The following TPTE2 variants were observed in gnomAD, a reference collection of about 807,000 sequenced individuals.
TPTE2 encodes the protein transmembrane phosphoinositide 3-phosphatase and tensin homolog 2, also known as phosphatidylinositol 3,4,5-trisphosphate 3-phosphatase TPTE2.
Under a neutral mutation model 78.6 loss-of-function variants are expected in TPTE2, and 53 were observed. That is an observed-to-expected ratio of 0.67 (90% CI 0.54 to 0.85). The LOEUF (loss-of-function observed/expected upper bound fraction) is 0.85, where lower values mean the gene tolerates loss of function less well. Among genes scored for constraint, TPTE2 ranks in the 40% least tolerant of loss-of-function variants. The pLI, the probability that TPTE2 is intolerant of heterozygous loss-of-function variation, is 0.00. For missense variants in TPTE2, 461 were observed against 623.0 expected (o/e 0.74, Z 2.77); for synonymous variants, 175 against 206.2 (o/e 0.85, Z 1.30).
At chr13:19,474,238 C>G (rs1879807948) in intron 5 of TPTE2, among the ~76,000 whole-genome samples, 163 bp from the exon 9 acceptor site, 2 of 152,300 alleles carry the variant, frequency 1.3e-5, no homozygotes, top group Non-Finnish European at 1.5e-5. Context: ...ACTGTAATGT[C>G]TTGGAATCTC....
the TPTE2 span, chr13:19,560,283 A>G: frequency 9.8e-7 from 1 of 1,015,398 alleles, no homozygotes. Flanking sequence ...CTGAATTGGC[A>G]AGGGCCAGGG....
At chr13:19,451,843 G>GTATATA (rs374568647) in intron 10 of TPTE2, among the ~76,000 whole-genome samples, 9,749 of 147,040 alleles carry the variant, frequency 0.066, 355 homozygotes, top group Middle Eastern at 0.12. Context: ...GTGTGTGTGT[G>GTATATA]TATATATGTA....
intron 10 of TPTE2, among the ~76,000 whole-genome samples, chr13:19,464,060 C>T (rs998512803): frequency 2.6e-5 from 4 of 151,970 alleles, no homozygotes; most frequent in East Asian, 3.9e-4. Context: ...GGGGGGTGCA[C>T]GTAGCATGCA....
chr13:19,447,583 C>T (rs988465991), intron 13 of TPTE2, among the ~76,000 whole-genome samples: 7 of 152,180 alleles, frequency 4.6e-5, no homozygotes, highest in Non-Finnish European at 7.4e-5. Flanking sequence ...TGTATATTAA[C>T]TAATGGGCTT....
intron 1 of TPTE2, among the ~76,000 whole-genome samples, chr13:19,508,993 C>T (rs1394063760): frequency 6.6e-6 from 1 of 151,986 alleles, no homozygotes; most frequent in Non-Finnish European, 1.5e-5. Context: ...ATATGATTAG[C>T]TTTTTTAAAA....
intron 3 of TPTE2, among the ~76,000 whole-genome samples, chr13:19,490,883 C>G (rs2137634753): frequency 6.6e-6 from 1 of 152,302 alleles, no homozygotes; most frequent in East Asian, 1.9e-4. Context: ...TTGGCTCACT[C>G]TAGTAGAGTG....
At chr13:19,467,830 C>A (rs1879361448) in intron 6 of TPTE2, among the ~76,000 whole-genome samples, 2 of 147,712 alleles carry the variant, frequency 1.4e-5, no homozygotes, top group East Asian at 2.0e-4. Flanking sequence ...ACCCCCAAGC[C>A]CCTACTACCA....
the TPTE2 span, chr13:19,561,068 T>A: frequency 0.016 from 25,214 of 1,579,268 alleles, 559 homozygotes; most frequent in African/African-American, 0.092. Context: ...CCCACCGCCC[T>A]GCTCGCCAGG....
upstream of TPTE2, among the ~76,000 whole-genome samples, chr13:19,537,233 ATTT>A (rs542858008): frequency 3.0e-5 from 4 of 132,328 alleles, no homozygotes; most frequent in Admixed American, 7.6e-5. Flanking sequence ...CTTCTACTTG[ATTT>A]TTTTTTTTTT....
In TPTE2 at chr13:19,458,209, T is replaced by C. The variant is rs537879252; in HGVS notation, c.741+6247A>G. Among the ~76,000 whole-genome samples the C allele has an allele frequency of 2.6e-4, 39 of 152,352 alleles. 1 individual carries two copies. Among genetic ancestry groups the C allele is most frequent in the Admixed American group, 3.9e-4 (6 of 15,302 alleles). On this transcript the variant is annotated intron_variant, in intron 10 of 19. Coordinates refer to ENST00000400230, the Ensembl canonical transcript of TPTE2. ...TTCACTGAATTGGAATTACTATTAA[T>C]ATTCAAAAACCAAACTTATTCATTT...
chr13:19,523,563 C>G (rs1870314611), intron 1 of TPTE2, among the ~76,000 whole-genome samples: 1 of 152,072 alleles, frequency 6.6e-6, no homozygotes, highest in African/African-American at 2.4e-5. Flanking sequence ...GCAACCTCTG[C>G]CTCCCAAGTT....
intron 1 of TPTE2, among the ~76,000 whole-genome samples, chr13:19,526,301 T>C (rs1320955796): frequency 6.6e-6 from 1 of 152,086 alleles, no homozygotes; most frequent in Non-Finnish European, 1.5e-5. Context: ...CCATCAATGG[T>C]GAACTGAATT....
chr13:19,486,451 G>A lies in TPTE2; in HGVS notation c.120-3904C>T, dbSNP rs1379100985. Among the ~76,000 whole-genome samples the A allele has an allele frequency of 3.9e-5, 6 of 152,184 alleles. No homozygotes were observed. The highest frequency in any genetic ancestry group is 8.8e-5 in the Non-Finnish European group (6 of 68,022). On this transcript the variant is annotated intron_variant, in intron 3 of 19. Coordinates refer to ENST00000400230, the Ensembl canonical transcript of TPTE2. This position sits in a 1 kb window ranked among gnomAD's most constrained non-coding sequence, Gnocchi z 4.3. ...GTATGGCCTTATGCGGCTGGCCATG[G>A]TGCTGTCACTCTAGCCAGGAGCATG... is the stretch of plus-strand genomic sequence containing the variant.
At chr13:19,459,135 T>A (rs1230002591) in intron 10 of TPTE2, among the ~76,000 whole-genome samples, 1 of 152,210 alleles carries the variant, frequency 6.6e-6, no homozygotes, top group Admixed American at 6.5e-5. Context: ...AGATGGTATC[T>A]CATTGTGGTT....
At chr13:19,477,705 G>T (rs1341955265) in intron 4 of TPTE2, among the ~76,000 whole-genome samples, 2 of 152,084 alleles carry the variant, frequency 1.3e-5, no homozygotes, top group South Asian at 4.1e-4. Context: ...AAGTGGCTTG[G>T]GTGGCTTTAG....
At chr13:19,547,150 T>G in the TPTE2 span, among the ~76,000 whole-genome samples, 1 of 151,424 alleles carries the variant, frequency 6.6e-6, no homozygotes, top group East Asian at 1.9e-4. Context: ...GGCAAAAGCA[T>G]TCTCAACAAC....
At chr13:19,511,085 T>G (rs371523451) in intron 1 of TPTE2, among the ~76,000 whole-genome samples, 6 of 152,196 alleles carry the variant, frequency 3.9e-5, no homozygotes, top group African/African-American at 1.2e-4. Flanking sequence ...AAATGTGCAG[T>G]CTCATGGCCC....
rs548687341 is a variant in TPTE2, at chr13:19,529,970, T to C, written c.-44+6626A>G. 7.9e-5 allele frequency among the ~76,000 whole-genome samples: 12 copies of C among 152,346 alleles called. No individual in the cohort carries two copies. The South Asian group carries it at 2.3e-3, about 29-fold the overall frequency. On this transcript the variant is annotated intron_variant, in intron 1 of 17. Transcript: ENST00000390680. ...AAACTCACATTGCTATTCCACTCTT[T>C]AATGATTTCTCATCTAAATATTAAC... is the stretch of plus-strand genomic sequence containing the variant.
rs1876517058 is a variant in TPTE2 at position 19,430,698 on chromosome 13, C to A, written c.1223-151G>T. Reference sequence around the variant, plus strand: ...TTATTTGGTCTTGCATGGATTTTGTCTTTGAAAGACAAGGCTTCAAGCCCA... The same window carrying A: ...TTATTTGGTCTTGCATGGATTTTGTATTTGAAAGACAAGGCTTCAAGCCCA... On this transcript the variant is annotated intron_variant, in intron 16 of 19. Transcript: ENST00000400230. 4.9e-6 allele frequency: 3 copies of A among 613,282 alleles called. No homozygotes were observed. In the South Asian group the frequency reaches 6.7e-5, roughly 14 times the overall value. The allele number at this position is 613,282 out of a possible 1,614,324, so 38.0% of individuals were successfully genotyped here.
Sources: allele counts gnomAD v4.1 joint callset (sites outside exome capture counted in the v4.1 genomes callset), GRCh38; gene constraint gnomAD v4.1.1; non-coding constraint Gnocchi (gnomAD v3.1); transcripts MANE v1.5; gene names NCBI Gene and HGNC (gene_info 2026-07-23, HGNC 2026-07-21).